The following MYL12A variants were observed in gnomAD, a reference collection of about 807,000 sequenced individuals.
The protein encoded by MYL12A is myosin light chain 12A.
Under a neutral mutation model 13.3 loss-of-function variants are expected in MYL12A, and 11 were observed. That is an observed-to-expected ratio of 0.83 (90% CI 0.52 to 1.37). MYL12A has a LOEUF of 1.37. MYL12A is among the 40% of genes most tolerant of loss of function. The probability of loss-of-function intolerance (pLI) is 0.00; values close to 1 mark genes in which losing one functional copy is unlikely to be tolerated. For synonymous variants in MYL12A, 51 were observed against 69.9 expected (o/e 0.73, Z 1.35); for missense variants, 146 against 212.3 (o/e 0.69, Z 1.94).
chr18:3,252,151 A>G (rs572312382), intron 1 of MYL12A: 30 of 511,440 alleles, frequency 5.9e-5, no homozygotes, highest in Non-Finnish European at 9.4e-5. Context: ...GTTTTGCCAG[A>G]TCATAGCTAA....
intron 3 of MYL12A, 170 bp from the exon 4 acceptor site, chr18:3,255,576 C>A: frequency 1.3e-6 from 1 of 767,316 alleles, no homozygotes; most frequent in Non-Finnish European, 2.0e-6. Context: ...AGGCATTTTT[C>A]TAGGCACTTC....
chr18:3,247,769 A>G (rs2081442943), upstream of MYL12A: 1 of 152,228 alleles, frequency 6.6e-6, no homozygotes, highest in East Asian at 1.9e-4. Flanking sequence ...CTGCGGGCCA[A>G]GAAAGGTGAC....
intron 1 of MYL12A, 26 bp from the exon 2 acceptor site, chr18:3,253,204 GTTT>G (rs2081503749): frequency 6.4e-7 from 1 of 1,570,818 alleles, no homozygotes; most frequent in African/African-American, 1.4e-5. Context: ...TGTTGATTTG[GTTT>G]TTATTGTATT....
chr18:3,251,190 T>C (rs994023236), intron 1 of MYL12A, among the ~76,000 whole-genome samples: 1 of 151,718 alleles, frequency 6.6e-6, no homozygotes, highest in African/African-American at 2.4e-5. Flanking sequence ...TTATAATACA[T>C]TTACAATTCA....
At chr18:3,251,804 AC>A (rs2081488367) in intron 1 of MYL12A, among the ~76,000 whole-genome samples, 1 of 152,198 alleles carries the variant, frequency 6.6e-6, no homozygotes, top group Non-Finnish European at 1.5e-5. Flanking sequence ...ATATATCATA[AC>A]TTCTGTGCTA....
Position 3,251,435 on chromosome 18 carries a change from C to A in MYL12A, c.-15-1798C>A, listed in dbSNP as rs115089707. The stretch of plus-strand genomic sequence containing the variant: ...TCATTAGGGAAAGACAATGTTGTCA[C>A]ACAAAACAGACTATTTTTAAAGATG... On this transcript the variant is annotated intron_variant, in intron 1 of 3. Coordinates refer to ENST00000217652, the MANE Select transcript of MYL12A (RefSeq NM_006471.4). Among the ~76,000 whole-genome samples the A allele has an allele frequency of 9.4e-3, 1,438 of 152,224 alleles. 23 individuals carry two copies. Among genetic ancestry groups the A allele is most frequent in the African/African-American group, 0.033 (1,372 of 41,540 alleles).
rs779559350 is a variant in MYL12A at position 3,253,349 on chromosome 18, AG to A, written c.103del (p.Glu35ArgfsTer5). On this transcript the variant is annotated frameshift_variant, in exon 2 of 4. Coordinates refer to ENST00000217652, the MANE Select transcript of MYL12A (RefSeq NM_006471.4). LOFTEE classifies it high-confidence loss of function. ...ACCAGTCACAGATTCAGGAGTTCAAAGAGGCCTTCAACATGATTGATCAGAA... is the reference window on the plus strand; with the variant it reads ...ACCAGTCACAGATTCAGGAGTTCAAAAGGCCTTCAACATGATTGATCAGAA... ...FDQSQIQEFK[E>X]AFNMIDQNRD... is the part of the protein sequence containing the mutation. The A allele has an allele frequency of 1.9e-6, 3 of 1,614,030 alleles. No homozygotes were observed. The South Asian group carries it at 3.3e-5, about 18-fold the overall frequency.
chr18:3,248,654 G>C (rs1003048618), intron 1 of MYL12A: 2 of 152,150 alleles, frequency 1.3e-5, no homozygotes, highest in Non-Finnish European at 2.9e-5. Flanking sequence ...ATTGGTATTT[G>C]TTTCATGTTC....
At chr18:3,252,263 T>C (rs2081493599) in intron 1 of MYL12A, 8 of 1,368,058 alleles carry the variant, frequency 5.8e-6, no homozygotes, top group South Asian at 5.1e-5. Context: ...CTCAATGCAG[T>C]GTCTTACTTT....
At chr18:3,248,108 C>T (rs2081448346) in intron 1 of MYL12A, 199 bp downstream of exon 1, 2 of 152,328 alleles carry the variant, frequency 1.3e-5, no homozygotes, top group South Asian at 2.1e-4. Context: ...AAACTTGGAA[C>T]TCTGGAAATG....
At chr18:3,252,214 T>C in intron 1 of MYL12A, 1 of 835,820 alleles carries the variant, frequency 1.2e-6, no homozygotes, top group Non-Finnish European at 1.8e-6. Flanking sequence ...CAGAGTGAAA[T>C]CAGTAGTGCC....
At chr18:3,250,817 G>C (rs2081477632) in intron 1 of MYL12A, among the ~76,000 whole-genome samples, 1 of 152,044 alleles carries the variant, frequency 6.6e-6, no homozygotes, top group Non-Finnish European at 1.5e-5. Flanking sequence ...CACAGCATTT[G>C]ATAATTATGT....
chr18:3,247,951 G>C (rs1193199731), intron 1 of MYL12A, 42 bp downstream of exon 1: 1 of 151,922 alleles, frequency 6.6e-6, no homozygotes, highest in Non-Finnish European at 1.5e-5. Context: ...CCCATCCCGG[G>C]GACCCGTCTC....
intron 1 of MYL12A, 139 bp downstream of exon 1, chr18:3,248,048 C>T (rs2144318289): frequency 6.6e-6 from 1 of 152,340 alleles, no homozygotes; most frequent in Admixed American, 6.5e-5. Context: ...GTTCTGGGAT[C>T]CGAGGCCATG....
chr18:3,253,969 A>C lies in MYL12A; in HGVS notation c.262A>C (p.Met88Leu), dbSNP rs550586109. The change falls in exon 3 of 4, where the codon ATG becomes CTG. Residue 88 changes from methionine (M) to leucine (L), a missense_variant. Coordinates refer to ENST00000217652, the MANE Select transcript of MYL12A (RefSeq NM_006471.4). ...GPINFTMFLT[M>L]FGEKLNGTDP... is the part of the protein sequence containing the mutation. ...CATCAATTTCACCATGTTCCTCACCATGTTTGGTGAGAAGTTAAATGGCAC... is the reference window on the plus strand; with the variant it reads ...CATCAATTTCACCATGTTCCTCACCCTGTTTGGTGAGAAGTTAAATGGCAC... The C allele has an allele frequency of 1.2e-6, 2 of 1,613,966 alleles. No homozygotes were observed. Among genetic ancestry groups the C allele is most frequent in the Admixed American group, 3.3e-5 (2 of 60,014 alleles).
At position 3,253,239 on chromosome 18, in the gene MYL12A, A is replaced by T. The variant is rs2081504156; in HGVS notation, c.-9A>T. On this transcript the variant is annotated 5_prime_UTR_variant, in exon 2 of 4. Coordinates refer to ENST00000217652, the MANE Select transcript of MYL12A (RefSeq NM_006471.4). ...TATTTCCTTTCCTAATTAGGACTTAACCACCACCATGTCGAGCAAAAGAAC... is the reference window on the plus strand; with the variant it reads ...TATTTCCTTTCCTAATTAGGACTTATCCACCACCATGTCGAGCAAAAGAAC... 1 of 1,609,492 alleles carries T rather than the reference A, an allele frequency of 6.2e-7. No individual in the cohort carries two copies. Among genetic ancestry groups the T allele is most frequent in the Admixed American group, 1.7e-5 (1 of 59,326 alleles).
rs1168541529 is a variant in MYL12A, at chr18:3,255,796, C to T, written c.394C>T (p.Arg132Trp). 36 of 1,613,800 alleles carry T rather than the reference C, an allele frequency of 2.2e-5. No individual in the cohort carries two copies. The highest frequency in any genetic ancestry group is 2.8e-5 in the Non-Finnish European group (33 of 1,179,974). Residue 132 changes from arginine (R) to tryptophan (W), a missense_variant, in exon 4 of 4, where the codon CGG (arginine) becomes TGG (tryptophan). Arg to Trp is a moderately radical substitution (Grantham distance 101). Transcript: ENST00000217652. Reference protein sequence around the residue: ...LRELLTTMGDRFTDEEVDELY... With the variant: ...LRELLTTMGDWFTDEEVDELY... ...AGAGCTGCTGACAACCATGGGGGAT[C>T]GGTTTACAGATGAGGAAGTGGATGA...
chr18:3,252,286 G>T, intron 1 of MYL12A: 1 of 1,522,372 alleles, frequency 6.6e-7, no homozygotes. Flanking sequence ...CTGCTGAGCG[G>T]TTTTGCAGAC....
chr18:3,253,224 C>T lies in MYL12A; in HGVS notation c.-15-9C>T, dbSNP rs1426261187. The T allele has an allele frequency of 3.2e-6, 5 of 1,584,278 alleles. No individual in the cohort carries two copies. The South Asian group carries it at 4.6e-5, about 15-fold the overall frequency. On this transcript the variant is annotated splice_polypyrimidine_tract_variant and intron_variant, in intron 1 of 3. Coordinates refer to ENST00000217652, the MANE Select transcript of MYL12A (RefSeq NM_006471.4). ...ATTTGGTTTTTATTGTATTTCCTTTCCTAATTAGGACTTAACCACCACCAT... is the reference window on the plus strand; with the variant it reads ...ATTTGGTTTTTATTGTATTTCCTTTTCTAATTAGGACTTAACCACCACCAT...
Sources: gnomAD v4.1 joint callset for allele counts (sites outside exome capture counted in the v4.1 genomes callset) on GRCh38, gnomAD v4.1.1 for gene constraint, MANE v1.5 for transcripts, NCBI Gene and HGNC (gene_info 2026-07-23, HGNC 2026-07-21) for gene names.